The following NT5DC1 variants were observed in gnomAD, a reference collection of about 807,000 sequenced individuals.
NT5DC1 encodes the protein 5'-nucleotidase domain-containing protein 1.
Under a neutral mutation model 59.4 loss-of-function variants are expected in NT5DC1, and 42 were observed. The ratio of observed to expected loss-of-function variants is 0.71; its 90% CI spans 0.55 to 0.92. The LOEUF is 0.92. Among genes scored for constraint, NT5DC1 ranks in the 40% least tolerant of loss-of-function variants. The probability of loss-of-function intolerance (pLI) is 0.00; values close to 1 mark genes in which losing one functional copy is unlikely to be tolerated. For synonymous variants in NT5DC1, 172 were observed against 188.1 expected (o/e 0.91, Z 0.70); for missense variants, 501 against 537.1 (o/e 0.93, Z 0.66).
At chr6:116,110,390 A>G (rs1778850178) in intron 3 of NT5DC1, among the ~76,000 whole-genome samples, 1 of 152,210 alleles carries the variant, frequency 6.6e-6, no homozygotes, top group Non-Finnish European at 1.5e-5. Context: ...CTGCGTGCTC[A>G]CAATGATCCA....
intron 3 of NT5DC1, among the ~76,000 whole-genome samples, chr6:116,110,118 T>C (rs1156593461): frequency 6.6e-6 from 1 of 152,252 alleles, no homozygotes; most frequent in Non-Finnish European, 1.5e-5. Flanking sequence ...TCTGGAATTA[T>C]GCCCTTAGTA....
At chr6:116,178,089 G>GTGTGTGTGTGCA (rs1780785004) in intron 6 of NT5DC1, among the ~76,000 whole-genome samples, 1 of 84,206 alleles carries the variant, frequency 1.2e-5, no homozygotes, top group Non-Finnish European at 2.3e-5. Flanking sequence ...GTGTGTGTGT[G>GTGTGTGTGTGCA]CGCGCGCGCG....
rs549464348 is a variant in NT5DC1, at chr6:116,170,838, C to T, written c.530-50216C>T. 5.9e-5 allele frequency among the ~76,000 whole-genome samples: 9 copies of T among 152,266 alleles called. No individual in the cohort carries two copies. In the East Asian group the frequency reaches 7.7e-4, roughly 13 times the overall value. ...TCTTGCAGTTCTCACTCCCACCTGC[C>T]GTGTAGCCTATCCTCATTATCTGTC... On this transcript the variant is annotated intron_variant, in intron 6 of 11. Coordinates refer to ENST00000319550, the MANE Select transcript of NT5DC1 (RefSeq NM_152729.3).
chr6:116,108,254 T>C, intron 2 of NT5DC1, 110 bp from the exon 3 acceptor site: 2 of 711,536 alleles, frequency 2.8e-6, no homozygotes, highest in Admixed American at 4.1e-5. Context: ...ATCATTCCCC[T>C]GGGTGGCAGA....
At chr6:116,214,784 G>C (rs1441157424) in intron 6 of NT5DC1, among the ~76,000 whole-genome samples, 10 of 151,856 alleles carry the variant, frequency 6.6e-5, no homozygotes, top group Admixed American at 5.3e-4. Context: ...AGAGTTATCT[G>C]TGTTGTGCAC....
intron 6 of NT5DC1, chr6:116,121,685 G>T: frequency 6.2e-7 from 1 of 1,613,670 alleles, no homozygotes; most frequent in Non-Finnish European, 8.5e-7. Context: ...AGGGATTCCA[G>T]GTGGTCCTGG....
At chr6:116,173,005 G>T (rs968815131) in intron 6 of NT5DC1, among the ~76,000 whole-genome samples, 4 of 152,084 alleles carry the variant, frequency 2.6e-5, no homozygotes, top group Admixed American at 6.6e-5. Flanking sequence ...TAAGAAATTT[G>T]ATCAGAGGAA....
chr6:116,186,943 T>G (rs189354933), intron 6 of NT5DC1, among the ~76,000 whole-genome samples: 1 of 152,204 alleles, frequency 6.6e-6, no homozygotes, highest in East Asian at 1.9e-4. Context: ...TTAACCATGT[T>G]TGTCATATTA....
chr6:116,173,773 C>T (rs1235701691), intron 6 of NT5DC1, among the ~76,000 whole-genome samples: 1 of 152,108 alleles, frequency 6.6e-6, no homozygotes, highest in Non-Finnish European at 1.5e-5. Context: ...CTGAATATCA[C>T]CCTAATGTTC....
chr6:116,221,036 G>T lies in NT5DC1; in HGVS notation c.530-18G>T. On this transcript the variant is annotated intron_variant, in intron 6 of 11. Coordinates refer to ENST00000319550, the MANE Select transcript of NT5DC1 (RefSeq NM_152729.3). ...AATGTTTAAAAAGAAAAACCTCATT[G>T]ATATTTTTATTTTTCAGAAAACTGT... is the stretch of plus-strand genomic sequence containing the variant. The T allele has an allele frequency of 8.2e-7, 1 of 1,218,046 alleles. No homozygotes were observed. The highest frequency in any genetic ancestry group is 1.3e-5 in the South Asian group (1 of 74,864). The allele number at this position is 1,218,046 out of a possible 1,614,324, so 75.5% of individuals were successfully genotyped here.
chr6:116,159,469 A>C (rs947161391), intron 6 of NT5DC1, among the ~76,000 whole-genome samples: 2 of 152,164 alleles, frequency 1.3e-5, no homozygotes, highest in African/African-American at 4.8e-5. Flanking sequence ...TGCATTATAG[A>C]ATGTCTTAAA....
chr6:116,187,549 C>T (rs1217576246), intron 6 of NT5DC1, among the ~76,000 whole-genome samples: 2 of 151,952 alleles, frequency 1.3e-5, no homozygotes, highest in African/African-American at 4.8e-5. Context: ...ACCGGAGATG[C>T]CAGAAAAGAC....
chr6:116,176,372 A>G (rs1030326688), intron 6 of NT5DC1, among the ~76,000 whole-genome samples: 1 of 152,116 alleles, frequency 6.6e-6, no homozygotes, highest in African/African-American at 2.4e-5. Context: ...TTGGGCCTGG[A>G]GGCAGGGTAT....
At chr6:116,189,483 A>C (rs1327171748) in intron 6 of NT5DC1, among the ~76,000 whole-genome samples, 1 of 151,968 alleles carries the variant, frequency 6.6e-6, no homozygotes, top group Non-Finnish European at 1.5e-5. Context: ...ATATTTTGCA[A>C]GCAATTTAGA....
rs183710517 is a variant in NT5DC1 at position 116,117,549 on chromosome 6, T to C, written c.445-312T>C. Among the ~76,000 whole-genome samples, 231 of 152,322 alleles carry C rather than the reference T, an allele frequency of 1.5e-3. 2 individuals carry two copies. Among genetic ancestry groups the C allele is most frequent in the East Asian group, 1.7e-3 (9 of 5,190 alleles). On this transcript the variant is annotated intron_variant, in intron 5 of 11. Coordinates refer to ENST00000319550, the MANE Select transcript of NT5DC1 (RefSeq NM_152729.3). Reference sequence around the variant, plus strand: ...AGCTTAGCCTAGCTTATCTTAAACATACTCAGAACACTTCCATTATCCTAC... The same window carrying C: ...AGCTTAGCCTAGCTTATCTTAAACACACTCAGAACACTTCCATTATCCTAC...
chr6:116,125,678 T>A (rs2114309888), intron 6 of NT5DC1: 2 of 538,374 alleles, frequency 3.7e-6, no homozygotes, highest in East Asian at 7.0e-5. Flanking sequence ...TATGTGAATA[T>A]ATGTCTTAGT....
intron 6 of NT5DC1, among the ~76,000 whole-genome samples, chr6:116,128,114 T>G (rs1274750751): frequency 1.3e-5 from 2 of 152,200 alleles, no homozygotes; most frequent in African/African-American, 2.4e-5. Flanking sequence ...GTTGTATGTC[T>G]TCTTTTAGGG....
intron 1 of NT5DC1, among the ~76,000 whole-genome samples, chr6:116,101,969 G>T (rs2114893607): frequency 6.6e-6 from 1 of 152,348 alleles, no homozygotes; most frequent in Non-Finnish European, 1.5e-5. Context: ...CTTCGAGGAA[G>T]TTACTTAACC....
rs144600120 is a variant in NT5DC1 at position 116,148,213 on chromosome 6, T to G, written c.529+30268T>G. ...CATCTTGAGAGGCAAATTGAGTAAG[T>G]TGGGGACAGGGGTGGGAGGGAGAAT... On this transcript the variant is annotated intron_variant, in intron 6 of 11. Coordinates refer to ENST00000319550, the MANE Select transcript of NT5DC1 (RefSeq NM_152729.3). 1.5e-4 allele frequency among the ~76,000 whole-genome samples: 23 copies of G among 152,206 alleles called. No homozygotes were observed. In the East Asian group the frequency reaches 4.2e-3, roughly 28 times the overall value.
Sources: gnomAD v4.1 joint callset for allele counts (sites outside exome capture counted in the v4.1 genomes callset) on GRCh38, gnomAD v4.1.1 for gene constraint, MANE v1.5 for transcripts, NCBI Gene and HGNC (gene_info 2026-07-23, HGNC 2026-07-21) for gene names.